Variants in ADAMTS9 observed in about 807,000 individuals in gnomAD.
ADAMTS9 encodes A disintegrin and metalloproteinase with thrombospondin motifs 9.
In ADAMTS9, 107 loss-of-function variants were observed where a neutral mutation model predicts 257.1. That is an observed-to-expected ratio of 0.42 (90% CI 0.36 to 0.49). ADAMTS9 has a LOEUF of 0.49. ADAMTS9 is among the 20% of genes least tolerant of loss of function. The pLI is 0.03. For missense variants in ADAMTS9, 2,353 were observed against 2,469.1 expected (o/e 0.95, Z 1.00); for synonymous variants, 982 against 880.9 (o/e 1.11, Z -2.03).
chr3:64,642,834 C>T (rs1700687962), intron 11 of ADAMTS9, among the ~76,000 whole-genome samples: 1 of 152,044 alleles, frequency 6.6e-6, no homozygotes, highest in Admixed American at 6.5e-5. Context: ...CGTGATTTAT[C>T]CCCAGGGAGG....
At chr3:64,549,600 G>C (rs1342443966) in intron 31 of ADAMTS9, among the ~76,000 whole-genome samples, 1 of 152,146 alleles carries the variant, frequency 6.6e-6, no homozygotes, top group Non-Finnish European at 1.5e-5. Flanking sequence ...GGCATACCGA[G>C]AAGATGCAGG....
chr3:64,635,241 C>T (rs935785563), intron 12 of ADAMTS9, among the ~76,000 whole-genome samples: 9 of 152,134 alleles, frequency 5.9e-5, no homozygotes, highest in African/African-American at 2.2e-4. Flanking sequence ...CTTGCTCGAT[C>T]AAAGATTTGC....
chr3:64,655,087 A>C (rs945123140), intron 6 of ADAMTS9, among the ~76,000 whole-genome samples: 1 of 152,204 alleles, frequency 6.6e-6, no homozygotes. Context: ...TACCATAGAA[A>C]ACTTGGGAGG....
At chr3:64,557,376 C>G (rs2083353415) in intron 30 of ADAMTS9, among the ~76,000 whole-genome samples, 1 of 152,274 alleles carries the variant, frequency 6.6e-6, no homozygotes, top group East Asian at 1.9e-4. Context: ...GATTGTGATA[C>G]TATTAACAAG....
At chr3:64,658,456 G>A in intron 4 of ADAMTS9, 46 bp downstream of exon 4, 1 of 1,560,192 alleles carries the variant, frequency 6.4e-7, no homozygotes, top group Non-Finnish European at 8.7e-7. Context: ...TTCCCCAATG[G>A]CACATTTAGA....
intron 38 of ADAMTS9, among the ~76,000 whole-genome samples, chr3:64,532,547 C>T (rs2082995773): frequency 6.6e-6 from 1 of 152,162 alleles, no homozygotes; most frequent in Non-Finnish European, 1.5e-5. Context: ...GTGCCCATCA[C>T]CACCTGAGAC....
intron 4 of ADAMTS9, among the ~76,000 whole-genome samples, chr3:64,657,120 TAAGA>T (rs1011476748): frequency 6.6e-6 from 1 of 152,104 alleles, no homozygotes; most frequent in African/African-American, 2.4e-5. Flanking sequence ...CATGTTTGCA[TAAGA>T]AATACCTAGA....
At chr3:64,665,680 A>G (rs944753186) in intron 3 of ADAMTS9, among the ~76,000 whole-genome samples, 4 of 152,208 alleles carry the variant, frequency 2.6e-5, no homozygotes, top group Non-Finnish European at 5.9e-5. Flanking sequence ...AGTGGGGCAA[A>G]TCAGCACAGA....
Position 64,621,146 on chromosome 3 carries a change from A to G in ADAMTS9, c.2781T>C (p.Ile927=). 6.2e-7 allele frequency: 1 copy of G among 1,613,880 alleles called. No individual in the cohort carries two copies. The highest frequency in any genetic ancestry group is 8.5e-7 in the Non-Finnish European group (1 of 1,179,876). ...CACAGTCTGTACCACAGGGTTCAGTAATGTGTCCAGGCTGGGGCAGCCGAT... is the reference window on the plus strand; with the variant it reads ...CACAGTCTGTACCACAGGGTTCAGTGATGTGTCCAGGCTGGGGCAGCCGAT... ...RCDRLPQPGH[I]TEPCGTDCDL... The change falls in exon 19 of 40, where the codon ATT becomes ATC. Residue 927 remains isoleucine (I), a synonymous_variant. Transcript: ENST00000498707.
intron 32 of ADAMTS9, 25 bp from the exon 33 acceptor site, chr3:64,541,995 G>A: frequency 6.2e-7 from 1 of 1,613,736 alleles, no homozygotes; most frequent in Non-Finnish European, 8.5e-7. Flanking sequence ...AGAGTCAGCG[G>A]TGTGGCTATG....
intron 27 of ADAMTS9, among the ~76,000 whole-genome samples, chr3:64,595,053 G>T (rs1179344690): frequency 1.3e-5 from 2 of 149,050 alleles, no homozygotes; most frequent in Non-Finnish European, 3.0e-5. Context: ...TCCCAACAAA[G>T]ATTCTTTGAG....
intron 29 of ADAMTS9, among the ~76,000 whole-genome samples, chr3:64,566,470 G>A (rs1053021766): frequency 1.1e-4 from 17 of 152,034 alleles, no homozygotes; most frequent in Admixed American, 3.9e-4. Context: ...TTTTGAACAG[G>A]TGCAGTTTAT....
intron 32 of ADAMTS9, among the ~76,000 whole-genome samples, chr3:64,544,222 T>A (rs894678515): frequency 2.5e-4 from 38 of 152,274 alleles, no homozygotes; most frequent in African/African-American, 8.7e-4. Flanking sequence ...GCCATCCCCA[T>A]CAAGCTACCA....
intron 17 of ADAMTS9, 36 bp from the exon 18 acceptor site, chr3:64,622,363 G>A (rs1437922415): frequency 1.2e-6 from 2 of 1,612,914 alleles, no homozygotes; most frequent in South Asian, 1.1e-5. Context: ...CGAACTGGGT[G>A]GGCTTAGTAA....
Position 64,546,828 on chromosome 3 carries a change from G to C in ADAMTS9, c.4994C>G (p.Pro1665Arg), listed in dbSNP as rs139126890. The change falls in exon 32 of 40, where the codon CCC becomes CGC. Residue 1665 changes from proline to arginine, a missense_variant. Around this residue, in one of 3 missense-constraint regions of ADAMTS9, gnomAD observed 1,402 missense variants for 1,441.4 expected, o/e 0.97. Coordinates refer to ENST00000498707, the MANE Select transcript of ADAMTS9 (RefSeq NM_182920.2). ...TTINCPGTQP[P>R]SVHPCYLRDC... ...CCTCAGGTAACAGGGGTGAACACTG[G>C]GGGGCTGCGTGCCTGGGCAGTTGAT... The C allele has an allele frequency of 2.0e-5, 33 of 1,613,964 alleles. No homozygotes were observed. The highest frequency in any genetic ancestry group is 2.0e-4 in the East Asian group (9 of 44,890).
At chr3:64,586,908 A>T (rs1179097206) in intron 28 of ADAMTS9, 3 of 152,142 alleles carry the variant, frequency 2.0e-5, no homozygotes, top group Admixed American at 2.0e-4. Flanking sequence ...CAAAGAGGGA[A>T]TGATCTCCTG....
At chr3:64,561,967 G>A (rs961388125) in intron 29 of ADAMTS9, among the ~76,000 whole-genome samples, 2 of 152,114 alleles carry the variant, frequency 1.3e-5, no homozygotes, top group Non-Finnish European at 2.9e-5. Context: ...AGTGAGGAAG[G>A]TGCTCAAGTT....
chr3:64,590,730 C>CA (rs1192462280), intron 28 of ADAMTS9, among the ~76,000 whole-genome samples: 2 of 152,166 alleles, frequency 1.3e-5, no homozygotes, highest in Non-Finnish European at 2.9e-5. Flanking sequence ...ACAATTCCTT[C>CA]ATGAGCTCAT....
At chr3:64,615,199 A>T in intron 21 of ADAMTS9, 122 bp downstream of exon 21, 1 of 1,173,046 alleles carries the variant, frequency 8.5e-7, no homozygotes, top group Non-Finnish European at 1.2e-6. Flanking sequence ...TTCTCAAGGG[A>T]GACAAGGGAG....
Sources: gnomAD v4.1 joint callset for allele counts (sites outside exome capture counted in the v4.1 genomes callset) on GRCh38, gnomAD v4.1.1 for gene constraint, gnomAD v4.1.1 regional missense constraint, MANE v1.5 for transcripts, NCBI Gene and HGNC (gene_info 2026-07-23, HGNC 2026-07-21) for gene names.